Variants in ANKK1 observed in about 807,000 individuals in gnomAD.
ANKK1 encodes ankyrin repeat and protein kinase domain-containing protein 1.
In ANKK1, 37 loss-of-function variants were observed where a neutral mutation model predicts 37.6. That is an observed-to-expected ratio of 0.98 (90% CI 0.76 to 1.29). The LOEUF (loss-of-function observed/expected upper bound fraction) is 1.29, where lower values mean the gene tolerates loss of function less well. Ranked by LOEUF, ANKK1 falls within the 50% of genes most tolerant of loss-of-function variation. The pLI, the probability that ANKK1 is intolerant of heterozygous loss-of-function variation, is 0.00. For synonymous variants in ANKK1, 415 were observed against 418.7 expected, an observed-to-expected ratio of 0.99 and a Z score of 0.11; for missense variants, 1,019 against 990.6, an observed-to-expected ratio of 1.03 and a Z score of -0.39.
At chr11:113,395,324 C>A in intron 3 of ANKK1, 35 bp from the exon 4 acceptor site, 1 of 1,613,262 alleles carries the variant, frequency 6.2e-7, no homozygotes, top group South Asian at 1.1e-5. Context: ...GGATGTTCAA[C>A]TAAGTCATTC....
chr11:113,396,848 C>A (rs776997427), intron 5 of ANKK1, among the ~76,000 whole-genome samples: 40 of 152,214 alleles, frequency 2.6e-4, no homozygotes, highest in Non-Finnish European at 4.6e-4. Flanking sequence ...GCCTTGAGTC[C>A]TTTCAGAGCT....
At chr11:113,390,752 A>G (rs559226869) in intron 1 of ANKK1, among the ~76,000 whole-genome samples, 1 of 150,478 alleles carries the variant, frequency 6.6e-6, no homozygotes, top group South Asian at 2.1e-4. Flanking sequence ...AAAAAAAAAC[A>G]AAGCAAAAAA....
intron 1 of ANKK1, among the ~76,000 whole-genome samples, chr11:113,389,158 T>C (rs1950569757): frequency 6.6e-6 from 1 of 152,174 alleles, no homozygotes; most frequent in African/African-American, 2.4e-5. Flanking sequence ...AGGATTTGTC[T>C]AAATCATTTA....
chr11:113,390,165 C>A (rs986559225), intron 1 of ANKK1, among the ~76,000 whole-genome samples: 4 of 152,140 alleles, frequency 2.6e-5, no homozygotes, highest in Non-Finnish European at 5.9e-5. Context: ...ACTAAAATGT[C>A]CACTCCATGA....
At chr11:113,398,565 A>G (rs1404292166) in intron 7 of ANKK1, among the ~76,000 whole-genome samples, 1 of 152,084 alleles carries the variant, frequency 6.6e-6, no homozygotes, top group Middle Eastern at 3.2e-3. Flanking sequence ...GTTTTTACCT[A>G]TATAATTTGT....
chr11:113,394,356 C>T (rs1244743405), intron 2 of ANKK1, among the ~76,000 whole-genome samples: 1 of 152,054 alleles, frequency 6.6e-6, no homozygotes, highest in Non-Finnish European at 1.5e-5. Flanking sequence ...ATGACTGGAC[C>T]CCCTATTTGA....
At chr11:113,398,132 C>T in intron 7 of ANKK1, 116 bp downstream of exon 7, 3 of 1,276,186 alleles carry the variant, frequency 2.4e-6, no homozygotes, top group Non-Finnish European at 2.2e-6. Flanking sequence ...TATCACACAT[C>T]CAGGGTTTAG....
At chr11:113,390,865 C>A (rs1950582213) in intron 1 of ANKK1, among the ~76,000 whole-genome samples, 1 of 151,946 alleles carries the variant, frequency 6.6e-6, no homozygotes, top group African/African-American at 2.4e-5. Flanking sequence ...AAATAAATAG[C>A]AAATGAATAA....
At chr11:113,391,964 C>T (rs1356750280) in intron 1 of ANKK1, among the ~76,000 whole-genome samples, 1 of 152,118 alleles carries the variant, frequency 6.6e-6, no homozygotes, top group Non-Finnish European at 1.5e-5. Context: ...ACACTGAGAA[C>T]TGAAAATTAT....
At chr11:113,396,401 G>A (rs1950639908) in intron 5 of ANKK1, among the ~76,000 whole-genome samples, 179 bp downstream of exon 5, 1 of 150,078 alleles carries the variant, frequency 6.7e-6, no homozygotes, top group South Asian at 2.1e-4. Flanking sequence ...GTGTGGTGGT[G>A]TGATCATACT....
Position 113,400,006 on chromosome 11 carries a change from A to G in ANKK1, c.2037A>G (p.Leu679=), listed in dbSNP as rs17115461. Residue 679 remains leucine (L), a synonymous_variant, in exon 8 of 8, where the codon CTA becomes CTG. Transcript: ENST00000303941. ...RSTFLSVINL[L]EHHANVHARN... ...CCTTCCTGAGTGTCATCAACCTCCTAGAACATCACGCAAATGTCCACGCCC... is the reference window on the plus strand; with the variant it reads ...CCTTCCTGAGTGTCATCAACCTCCTGGAACATCACGCAAATGTCCACGCCC... 23,415 of 1,613,528 alleles carry G rather than the reference A, an allele frequency of 0.015. 2,422 individuals carry two copies. In the African/African-American group the frequency reaches 0.24, roughly 17 times the overall value.
Position 113,399,169 on chromosome 11 carries a change from G to A in ANKK1, c.1200G>A (p.Leu400=), listed in dbSNP as rs1411169146. ...CQTASGYTPL[L]IAAQDQQPDL... is the part of the protein sequence containing the mutation. ...CGGCCTCTGGATACACGCCCCTCCT[G>A]ATCGCCGCCCAGGACCAGCAACCCG... The change falls in exon 8 of 8, where the codon CTG becomes CTA. Residue 400 remains leucine, a synonymous_variant. Coordinates refer to ENST00000303941, the MANE Select transcript of ANKK1 (RefSeq NM_178510.2). 1 of 1,598,460 alleles carries A rather than the reference G, an allele frequency of 6.3e-7. No individual in the cohort carries two copies. The highest frequency in any genetic ancestry group is 2.3e-5 in the East Asian group (1 of 44,032).
Position 113,388,003 on chromosome 11 carries a change from G to T in ANKK1, c.119G>T (p.Arg40Leu). 6.4e-7 allele frequency: 1 copy of T among 1,569,786 alleles called. No homozygotes were observed. Among genetic ancestry groups the T allele is most frequent in the Non-Finnish European group, 8.6e-7 (1 of 1,163,424 alleles). The change falls in exon 1 of 8, where the codon CGG (arginine) becomes CTG (leucine). Residue 40 changes from arginine to leucine, a missense_variant. Physicochemically the swap from Arg to Leu is moderately radical, Grantham distance 102. Coordinates refer to ENST00000303941, the MANE Select transcript of ANKK1 (RefSeq NM_178510.2). ...GGCTTCAGCCAGGTGTTCCAGGCGCGGCACAGGCGCTGGCGGACGGAGTAC... is the reference window on the plus strand; with the variant it reads ...GGCTTCAGCCAGGTGTTCCAGGCGCTGCACAGGCGCTGGCGGACGGAGTAC... Reference protein sequence around the residue: ...SGGFSQVFQARHRRWRTEYAI... With the variant: ...SGGFSQVFQALHRRWRTEYAI...
At position 113,387,792 on chromosome 11, in the gene ANKK1, G is replaced by C; in HGVS notation, c.-93G>C. On this transcript the variant is annotated 5_prime_UTR_variant, in exon 1 of 8. Coordinates refer to ENST00000303941, the MANE Select transcript of ANKK1 (RefSeq NM_178510.2). ...GCTCGTCTCCCCATTCCCCTCTCCC[G>C]GACCCGAGGAGCAGGAAGCGGCGGC... 1 of 1,378,404 alleles carries C rather than the reference G, an allele frequency of 7.3e-7. No individual in the cohort carries two copies. Among genetic ancestry groups the C allele is most frequent in the South Asian group, 1.5e-5 (1 of 66,690 alleles). The allele number at this position is 1,378,404 out of a possible 1,614,324, so 85.4% of individuals were successfully genotyped here.
In ANKK1 at chr11:113,397,137, C is replaced by T. The variant is rs1474699635; in HGVS notation, c.839-87C>T. On this transcript the variant is annotated intron_variant, in intron 5 of 7. Coordinates refer to ENST00000303941, the MANE Select transcript of ANKK1 (RefSeq NM_178510.2). The stretch of plus-strand genomic sequence containing the variant: ...GAGCCCAGGAATGGATTTTGGGAGA[C>T]AGGAATGTTAGGGTATCTAAAACAG... 3 of 1,093,518 alleles carry T rather than the reference C, an allele frequency of 2.7e-6. No individual in the cohort carries two copies. In the South Asian group the frequency reaches 4.5e-5, roughly 17 times the overall value. The allele number at this position is 1,093,518 out of a possible 1,614,324, so 67.7% of individuals were successfully genotyped here.
At chr11:113,396,935 T>A (rs929730012) in intron 5 of ANKK1, among the ~76,000 whole-genome samples, 1 of 152,170 alleles carries the variant, frequency 6.6e-6, no homozygotes, top group African/African-American at 2.4e-5. Context: ...CATCCAGTCC[T>A]TTGGGGACTG....
intron 1 of ANKK1, among the ~76,000 whole-genome samples, chr11:113,391,838 A>G (rs1053572537): frequency 1.3e-5 from 2 of 152,268 alleles, no homozygotes; most frequent in Non-Finnish European, 2.9e-5. Context: ...ACAGGATATG[A>G]GCCTGCAAAG....
At chr11:113,393,826 A>C (rs1483927172) in intron 2 of ANKK1, 51 bp downstream of exon 2, 2 of 1,534,032 alleles carry the variant, frequency 1.3e-6, no homozygotes, top group East Asian at 4.5e-5. Context: ...GGTTGCCTCC[A>C]GGTGAGCAGA....
intron 2 of ANKK1, 146 bp from the exon 3 acceptor site, chr11:113,394,780 ATAG>A: frequency 9.1e-7 from 1 of 1,102,474 alleles, no homozygotes; most frequent in Non-Finnish European, 1.3e-6. Context: ...GACCATCCAG[ATAG>A]TAAGTGGTAG....
Sources: gnomAD v4.1 joint callset for allele counts (sites outside exome capture counted in the v4.1 genomes callset) on GRCh38, gnomAD v4.1.1 for gene constraint, MANE v1.5 for transcripts, NCBI Gene and HGNC (gene_info 2026-07-23, HGNC 2026-07-21) for gene names.